The following WNT7B variants were observed in gnomAD, a reference collection of about 807,000 sequenced individuals.
WNT7B encodes protein Wnt-7b.
Under a neutral mutation model 38.2 loss-of-function variants are expected in WNT7B, and 19 were observed. The observed-to-expected ratio is 0.50, with a 90% CI of 0.35 to 0.73. WNT7B has a LOEUF of 0.73. Ranked by LOEUF, WNT7B falls within the 30% of genes least tolerant of loss-of-function variation. WNT7B has a pLI of 0.01. For synonymous variants in WNT7B, 243 were observed against 209.3 expected (o/e 1.16, Z -1.39); for missense variants, 423 against 507.9 (o/e 0.83, Z 1.61).
At chr22:45,969,533 C>A (rs548385091) in intron 1 of WNT7B, among the ~76,000 whole-genome samples, 9 of 152,364 alleles carry the variant, frequency 5.9e-5, no homozygotes, top group African/African-American at 2.2e-4. Context: ...AGCTCCTGCA[C>A]TGACAACAGA....
chr22:45,929,562 A>C (rs928754417), intron 3 of WNT7B, among the ~76,000 whole-genome samples: 10 of 134,698 alleles, frequency 7.4e-5, no homozygotes, highest in Non-Finnish European at 1.4e-4. Flanking sequence ...CCTTCCACCC[A>C]TCCCCTCATT....
chr22:45,932,940 T>G (rs1251244947), intron 2 of WNT7B, among the ~76,000 whole-genome samples: 1 of 152,204 alleles, frequency 6.6e-6, no homozygotes, highest in East Asian at 1.9e-4. Flanking sequence ...AGCCCGCAGA[T>G]AGAGAGGCAA....
intron 1 of WNT7B, chr22:45,972,439 G>T: frequency 4.3e-6 from 1 of 231,760 alleles, no homozygotes; most frequent in Middle Eastern, 1.4e-3. Flanking sequence ...GGGCAGCGGC[G>T]GGAGCTGGGG....
At chr22:45,933,615 A>G (rs1010308277) in intron 2 of WNT7B, among the ~76,000 whole-genome samples, 1 of 152,170 alleles carries the variant, frequency 6.6e-6, no homozygotes, top group Non-Finnish European at 1.5e-5. Context: ...AGGGTGGAGA[A>G]GGGCCACAGA....
At chr22:45,972,006 G>A (rs543178050) in intron 1 of WNT7B, 6 of 448,420 alleles carry the variant, frequency 1.3e-5, no homozygotes, top group African/African-American at 6.3e-5. Context: ...CTGGCGAGGC[G>A]ACCTAAAGTC....
intron 3 of WNT7B, among the ~76,000 whole-genome samples, chr22:45,928,830 G>C (rs987581242): frequency 6.6e-6 from 1 of 151,640 alleles, no homozygotes; most frequent in Non-Finnish European, 1.5e-5. Flanking sequence ...ACCCTACCCG[G>C]CCATCCTGGC....
chr22:45,929,778 A>C (rs950088088), intron 3 of WNT7B, among the ~76,000 whole-genome samples: 2 of 149,946 alleles, frequency 1.3e-5, no homozygotes, highest in Admixed American at 1.3e-4. Flanking sequence ...TTATCCTTCC[A>C]TCCACCCACC....
chr22:45,974,454 C>T (rs549490844), intron 1 of WNT7B, among the ~76,000 whole-genome samples: 4 of 152,224 alleles, frequency 2.6e-5, no homozygotes, highest in Admixed American at 6.5e-5. Context: ...CCATTCCTGG[C>T]GGGCAGGGGC....
intron 1 of WNT7B, among the ~76,000 whole-genome samples, chr22:45,950,635 C>T (rs1601731133): frequency 2.0e-5 from 3 of 152,218 alleles, no homozygotes; most frequent in South Asian, 2.1e-4. Context: ...CTGAAAAGGC[C>T]GGCAGCCAAG....
chr22:45,923,018 G>A lies in WNT7B; in HGVS notation c.888C>T (p.Arg296=), dbSNP rs888190521. 6.2e-7 allele frequency: 1 copy of A among 1,612,912 alleles called. No individual in the cohort carries two copies. The highest frequency in any genetic ancestry group is 8.5e-7 in the Non-Finnish European group (1 of 1,179,612). The part of the protein sequence containing the change: ...SVGTQGRLCN[R]TSPGADGCDT... ...CACAGCCGTCCGCGCCGGGCGACGTGCGGTTGCAGAGACGGCCCTGCGTGC... is the reference window on the plus strand; with the variant it reads ...CACAGCCGTCCGCGCCGGGCGACGTACGGTTGCAGAGACGGCCCTGCGTGC... Residue 296 remains arginine (R), a synonymous_variant, in exon 4 of 4, where the codon CGC becomes CGT. Coordinates refer to ENST00000339464, the MANE Select transcript of WNT7B (RefSeq NM_058238.3).
At chr22:45,925,675 A>C (rs1931061133) in intron 3 of WNT7B, 2 of 985,362 alleles carry the variant, frequency 2.0e-6, no homozygotes, top group African/African-American at 3.5e-5. Flanking sequence ...CCTGCCCTTC[A>C]GGCCTGGAAG....
intron 2 of WNT7B, among the ~76,000 whole-genome samples, chr22:45,939,610 A>G (rs1374008237): frequency 1.3e-5 from 2 of 148,406 alleles, no homozygotes; most frequent in African/African-American, 2.5e-5. Flanking sequence ...CCTGGGCAAC[A>G]TGGCAAAACC....
chr22:45,922,665 T>C lies in WNT7B; in HGVS notation c.*191A>G, dbSNP rs943987038. ...TGCCGCAGGAGGTGATGGGAGGAGG[T>C]GGCAGGAAGGAGCCCCAGGGAGGCG... On this transcript the variant is annotated 3_prime_UTR_variant, in exon 4 of 4. Transcript: ENST00000339464. 1.2e-5 allele frequency: 11 copies of C among 883,820 alleles called. No individual in the cohort carries two copies. In the African/African-American group the frequency reaches 1.9e-4, roughly 15 times the overall value. 54.7% of individuals were successfully genotyped at this position (883,820 alleles called of 1,614,324 possible).
rs1273534707 is a variant in WNT7B, at chr22:45,955,199, CCCCTGCCCTCCCCGAGCCGGCCTGG to C, written c.72-5078_72-5054del. Among the ~76,000 whole-genome samples, 7 of 152,360 alleles carry C rather than the reference CCCCTGCCCTCCCCGAGCCGGCCTGG, an allele frequency of 4.6e-5. No individual in the cohort carries two copies. The East Asian group carries it at 1.2e-3, about 25-fold the overall frequency. On this transcript the variant is annotated intron_variant, in intron 1 of 3. Transcript: ENST00000339464. ...CTGCCCCGGGCACTGTCCAGTCTGA[CCCCTGCCCTCCCCGAGCCGGCCTGG>C]CCCTGCCACACCCCAGGCCTGGCCC... is the stretch of plus-strand genomic sequence containing the variant.
chr22:45,956,537 C>A (rs1410286461), intron 1 of WNT7B, among the ~76,000 whole-genome samples: 2 of 152,218 alleles, frequency 1.3e-5, no homozygotes, highest in Non-Finnish European at 2.9e-5. Flanking sequence ...GGTCCACGCC[C>A]ACATCAGCCC....
At chr22:45,932,094 A>T (rs1275374238) in intron 2 of WNT7B, among the ~76,000 whole-genome samples, 1 of 151,916 alleles carries the variant, frequency 6.6e-6, no homozygotes, top group Non-Finnish European at 1.5e-5. Flanking sequence ...CTGCTGCTTC[A>T]TCTCCCCAGC....
chr22:45,961,236 TGGGGTGGAGG>T (rs1409223184), intron 1 of WNT7B, among the ~76,000 whole-genome samples: 2 of 151,876 alleles, frequency 1.3e-5, no homozygotes, highest in African/African-American at 4.8e-5. Flanking sequence ...CCCAGCTCCG[TGGGGTGGAGG>T]GGGGTGGGGC....
intron 1 of WNT7B, among the ~76,000 whole-genome samples, chr22:45,952,217 C>T (rs375187916): frequency 2.6e-5 from 4 of 152,246 alleles, no homozygotes; most frequent in East Asian, 3.9e-4. Context: ...ACTGCCCGCC[C>T]GCCCTTTTCT....
chr22:45,949,891 G>T (rs766748438), intron 2 of WNT7B, 29 bp downstream of exon 2: 1 of 1,590,574 alleles, frequency 6.3e-7, no homozygotes. Context: ...CACAATGGCT[G>T]GGCCCCTTGA....
Sources: gnomAD v4.1 joint callset for allele counts (sites outside exome capture counted in the v4.1 genomes callset) on GRCh38, gnomAD v4.1.1 for gene constraint, MANE v1.5 for transcripts, NCBI Gene and HGNC (gene_info 2026-07-23, HGNC 2026-07-21) for gene names.